Variants in FAM81A observed in about 807,000 individuals in gnomAD.
FAM81A encodes the protein family with sequence similarity 81 member A.
In FAM81A, 19 loss-of-function variants were observed where a neutral mutation model predicts 46.7. That is an observed-to-expected ratio of 0.41 (90% CI 0.28 to 0.60). The LOEUF is 0.60. Ranked by LOEUF, FAM81A falls within the 20% of genes least tolerant of loss-of-function variation. FAM81A has a pLI of 0.34. For synonymous variants in FAM81A, 183 were observed against 152.9 expected (o/e 1.20, Z -1.45); for missense variants, 377 against 453.5 (o/e 0.83, Z 1.53).
intron 2 of FAM81A, among the ~76,000 whole-genome samples, chr15:59,432,874 G>A (rs1309358223): frequency 2.0e-5 from 3 of 151,868 alleles, no homozygotes; most frequent in African/African-American, 7.3e-5. Context: ...GGTGGCTCAC[G>A]CCTGTAATCC....
At chr15:59,470,904 C>A (rs2081679148) in intron 3 of FAM81A, among the ~76,000 whole-genome samples, 1 of 152,100 alleles carries the variant, frequency 6.6e-6, no homozygotes, top group African/African-American at 2.4e-5. Flanking sequence ...CTCACTGCAG[C>A]CTCAACCTCC....
intron 2 of FAM81A, chr15:59,407,061 T>C (rs2081098296): frequency 1.2e-5 from 2 of 163,316 alleles, no homozygotes; most frequent in Non-Finnish European, 2.7e-5. Context: ...CCAGTGATGA[T>C]GGATCTCATC....
chr15:59,462,721 A>G (rs2081567687), intron 3 of FAM81A, among the ~76,000 whole-genome samples: 2 of 152,078 alleles, frequency 1.3e-5, no homozygotes, highest in South Asian at 4.1e-4. Context: ...GTCCTTATGA[A>G]TTTGCTTATT....
At position 59,479,519 on chromosome 15, in the gene FAM81A, G is replaced by GA. The variant is rs57107735; in HGVS notation, c.295-12729dup. ...GAGTGAGACTCTGTCTCAAAAATAA[G>GA]AAAAAAAAAAAAAAAAAAAAAAAGG... On this transcript the variant is annotated intron_variant, in intron 3 of 8. Coordinates refer to ENST00000288228, the MANE Select transcript of FAM81A (RefSeq NM_152450.3). Among the ~76,000 whole-genome samples the GA allele has an allele frequency of 8.1e-3, 585 of 72,634 alleles. 7 individuals are homozygous for GA. The highest frequency in any genetic ancestry group is 0.054 in the South Asian group (100 of 1,848). 47.7% of individuals were successfully genotyped at this position (72,634 alleles called of 152,430 possible).
intron 4 of FAM81A, among the ~76,000 whole-genome samples, chr15:59,492,843 G>A (rs558693082): frequency 6.6e-6 from 1 of 152,232 alleles, no homozygotes; most frequent in Non-Finnish European, 1.5e-5. Context: ...CTCAAAGTGT[G>A]CTGCATGGAC....
At chr15:59,423,511 C>G (rs1272771494) in intron 2 of FAM81A, among the ~76,000 whole-genome samples, 2 of 152,146 alleles carry the variant, frequency 1.3e-5, no homozygotes, top group African/African-American at 4.8e-5. Context: ...AGATTTAATC[C>G]AAGTCAATCT....
chr15:59,447,121 C>A (rs4075214), intron 1 of FAM81A, among the ~76,000 whole-genome samples: 77 of 152,278 alleles, frequency 5.1e-4, no homozygotes, highest in African/African-American at 1.8e-3. Context: ...CAGTTTATTT[C>A]TTTCCACTGT....
chr15:59,436,801 C>CTGT (rs1324488835), upstream of FAM81A, among the ~76,000 whole-genome samples: 1 of 128,418 alleles, frequency 7.8e-6, no homozygotes, highest in Admixed American at 8.1e-5. Flanking sequence ...TAAAGAGATG[C>CTGT]TGTTATACCA....
chr15:59,497,966 C>T (rs2082051837), intron 4 of FAM81A, among the ~76,000 whole-genome samples: 1 of 152,210 alleles, frequency 6.6e-6, no homozygotes, highest in Non-Finnish European at 1.5e-5. Context: ...AAGCAATCCT[C>T]CCACCTCAGC....
At chr15:59,454,894 C>T (rs2081463574) in intron 1 of FAM81A, among the ~76,000 whole-genome samples, 1 of 151,762 alleles carries the variant, frequency 6.6e-6, no homozygotes, top group South Asian at 2.1e-4. Flanking sequence ...ACCTTAGCCT[C>T]CCAGGTAGGA....
intron 6 of FAM81A, among the ~76,000 whole-genome samples, chr15:59,509,836 G>A (rs1398775910): frequency 2.0e-5 from 3 of 152,170 alleles, no homozygotes; most frequent in African/African-American, 7.2e-5. Context: ...GACTGGAACA[G>A]GGAGTGAGGG....
At chr15:59,465,237 C>G (rs970240878) in intron 3 of FAM81A, among the ~76,000 whole-genome samples, 1 of 152,092 alleles carries the variant, frequency 6.6e-6, no homozygotes, top group Non-Finnish European at 1.5e-5. Flanking sequence ...ATTTTGAGGT[C>G]TGGTAGTGTG....
intron 7 of FAM81A, among the ~76,000 whole-genome samples, chr15:59,514,946 A>T (rs984357064): frequency 6.6e-6 from 1 of 152,154 alleles, no homozygotes. Flanking sequence ...CTCAAAAACG[A>T]TATCAAGAAA....
chr15:59,408,410 T>TA (rs1244093930), intron 2 of FAM81A, among the ~76,000 whole-genome samples: 1 of 152,202 alleles, frequency 6.6e-6, no homozygotes, highest in African/African-American at 2.4e-5. Flanking sequence ...TAAAATAAAA[T>TA]ACAGCTGGGT....
chr15:59,453,965 C>T (rs1215320609), intron 1 of FAM81A, among the ~76,000 whole-genome samples: 2 of 152,224 alleles, frequency 1.3e-5, no homozygotes, highest in African/African-American at 4.8e-5. Flanking sequence ...TCCTCTGACT[C>T]CTGCCTGCCT....
intron 3 of FAM81A, among the ~76,000 whole-genome samples, chr15:59,461,599 A>T (rs2081552311): frequency 6.6e-6 from 1 of 152,116 alleles, no homozygotes; most frequent in African/African-American, 2.4e-5. Flanking sequence ...GGGATTACAG[A>T]TGTGAGCCAC....
intron 2 of FAM81A, among the ~76,000 whole-genome samples, chr15:59,405,723 C>T (rs1443758709): frequency 6.6e-6 from 1 of 152,198 alleles, no homozygotes; most frequent in Non-Finnish European, 1.5e-5. Context: ...TAAGTGCACT[C>T]CACACACAAG....
At chr15:59,422,713 TG>T (rs1473651112) in intron 2 of FAM81A, among the ~76,000 whole-genome samples, 1 of 152,168 alleles carries the variant, frequency 6.6e-6, no homozygotes. Context: ...CCTGACCTCA[TG>T]ATCTGTCTGT....
intron 4 of FAM81A, among the ~76,000 whole-genome samples, chr15:59,498,910 C>T (rs1334093793): frequency 1.3e-5 from 2 of 152,176 alleles, no homozygotes; most frequent in Non-Finnish European, 2.9e-5. Context: ...CTGCCTCGGC[C>T]TTAGGATCAC....
Sources: gnomAD v4.1 joint callset for allele counts (sites outside exome capture counted in the v4.1 genomes callset) on GRCh38, gnomAD v4.1.1 for gene constraint, MANE v1.5 for transcripts, NCBI Gene and HGNC (gene_info 2026-07-23, HGNC 2026-07-21) for gene names.